LYPD6B: variants seen among roughly 807,000 people sequenced by gnomAD.
LYPD6B encodes the protein ly6/PLAUR domain-containing protein 6B.
In LYPD6B, 17 loss-of-function variants were observed where a neutral mutation model predicts 22.8. That is an observed-to-expected ratio of 0.75 (90% confidence interval 0.51 to 1.12). The LOEUF (loss-of-function observed/expected upper bound fraction) is 1.12, where lower values mean the gene tolerates loss of function less well. Ranked by LOEUF, LYPD6B falls within the 50% of genes most tolerant of loss-of-function variation. The pLI, the probability that LYPD6B is intolerant of heterozygous loss-of-function variation, is 0.00. For missense variants in LYPD6B, 221 were observed against 258.3 expected (o/e 0.86, Z 0.99); for synonymous variants, 106 against 91.6 (o/e 1.16, Z -0.90).
chr2:149,208,938 C>G (rs967108872), intron 5 of LYPD6B, among the ~76,000 whole-genome samples: 1 of 152,128 alleles, frequency 6.6e-6, no homozygotes, highest in Non-Finnish European at 1.5e-5. Context: ...CTTAGAACTA[C>G]GACCTGAGTG....
chr2:149,098,293 C>T (rs1337629538), intron 1 of LYPD6B, among the ~76,000 whole-genome samples: 1 of 152,042 alleles, frequency 6.6e-6, no homozygotes, highest in Non-Finnish European at 1.5e-5. Flanking sequence ...CTGCTTTCTC[C>T]ACGTGAGTTA....
At position 149,214,654 on chromosome 2, in the gene LYPD6B, G is replaced by T; in HGVS notation, c.568G>T (p.Ala190Ser). ...CGCTCAGAGAACATCTGGCAGCAGTGCCCCCACACTCTACCTACCAGTGCT... is the reference window on the plus strand; with the variant it reads ...CGCTCAGAGAACATCTGGCAGCAGTTCCCCCACACTCTACCTACCAGTGCT... Reference protein sequence around the residue: ...MHAQRTSGSSAPTLYLPVLAW... With the variant: ...MHAQRTSGSSSPTLYLPVLAW... Residue 190 changes from alanine to serine, a missense_variant, in exon 7 of 7, where the codon GCC (alanine) becomes TCC (serine). By Grantham distance (99) the Ala-to-Ser change is moderately conservative (BLOSUM62 1). Coordinates refer to ENST00000409642, the MANE Select transcript of LYPD6B (RefSeq NM_177964.5). 6.2e-7 allele frequency: 1 copy of T among 1,613,976 alleles called. No individual in the cohort carries two copies. Among genetic ancestry groups the T allele is most frequent in the Non-Finnish European group, 8.5e-7 (1 of 1,179,874 alleles).
intron 1 of LYPD6B, among the ~76,000 whole-genome samples, chr2:149,093,607 T>C (rs985320192): frequency 2.6e-5 from 4 of 152,204 alleles, no homozygotes; most frequent in African/African-American, 9.6e-5. Context: ...TTGTTCACTA[T>C]CTGGACAGAA....
intron 1 of LYPD6B, among the ~76,000 whole-genome samples, chr2:149,045,902 T>A (rs554493623): frequency 9.2e-5 from 14 of 152,166 alleles, no homozygotes; most frequent in Admixed American, 6.5e-5. Context: ...ATCAATTAGG[T>A]CAAGTTGCTT....
At chr2:149,164,356 T>G (rs1490130274) in intron 3 of LYPD6B, among the ~76,000 whole-genome samples, 1 of 152,126 alleles carries the variant, frequency 6.6e-6, no homozygotes, top group African/African-American at 2.4e-5. Context: ...CAGAATAAAA[T>G]GAAGGCATTC....
chr2:149,056,104 A>G (rs898023677), intron 1 of LYPD6B, among the ~76,000 whole-genome samples: 1 of 152,214 alleles, frequency 6.6e-6, no homozygotes, highest in Non-Finnish European at 1.5e-5. Context: ...AATGGCTACT[A>G]GAAAAGAAAT....
At chr2:149,171,469 T>G (rs1218359540) in intron 3 of LYPD6B, among the ~76,000 whole-genome samples, 1 of 152,062 alleles carries the variant, frequency 6.6e-6, no homozygotes, top group African/African-American at 2.4e-5. Context: ...TTTTTATAAC[T>G]CAAGGATAGG....
chr2:149,133,824 G>T lies in LYPD6B; in HGVS notation c.5+2871G>T, dbSNP rs564041501. 2.0e-5 allele frequency among the ~76,000 whole-genome samples: 3 copies of T among 152,272 alleles called. No individual in the cohort carries two copies. In the East Asian group the frequency reaches 5.8e-4, roughly 29 times the overall value. ...GTGTGAGCTAAAAGAGTGAAATAAA[G>T]AAAATCCATTTAGCAAATATTTATT... On this transcript the variant is annotated intron_variant, in intron 2 of 6. Coordinates refer to ENST00000409642, the MANE Select transcript of LYPD6B (RefSeq NM_177964.5).
intron 1 of LYPD6B, among the ~76,000 whole-genome samples, chr2:149,040,091 C>T (rs756010796): frequency 9.2e-5 from 14 of 151,876 alleles, no homozygotes; most frequent in Non-Finnish European, 1.5e-4. Flanking sequence ...TTAGTATGGA[C>T]GATAAATAGG....
chr2:149,139,515 G>C (rs1209369716), intron 2 of LYPD6B, among the ~76,000 whole-genome samples: 1 of 152,158 alleles, frequency 6.6e-6, no homozygotes, highest in African/African-American at 2.4e-5. Context: ...CACTTCAGAG[G>C]CAACCTAGGG....
At chr2:149,064,202 T>C (rs1684222462) in intron 1 of LYPD6B, among the ~76,000 whole-genome samples, 2 of 152,338 alleles carry the variant, frequency 1.3e-5, no homozygotes, top group South Asian at 4.1e-4. Context: ...ATTTTGCTTA[T>C]GTTTCCAATG....
At chr2:149,168,111 G>A (rs1690553134) in intron 3 of LYPD6B, among the ~76,000 whole-genome samples, 1 of 151,104 alleles carries the variant, frequency 6.6e-6, no homozygotes, top group Non-Finnish European at 1.5e-5. Context: ...TCAGGAGGCT[G>A]AGGCAGGAGA....
intron 1 of LYPD6B, among the ~76,000 whole-genome samples, chr2:149,125,280 A>G (rs1285215251): frequency 6.6e-6 from 1 of 152,116 alleles, no homozygotes; most frequent in Non-Finnish European, 1.5e-5. Flanking sequence ...TCACAAACAA[A>G]GCCACACCTG....
rs546157836 is a variant in LYPD6B, at chr2:149,137,779, C to T, written c.5+6826C>T. ...TCTATACATATAACTTTGCACCTTACAAATAAATATTCTATTATTTCATTA... is the reference window on the plus strand; with the variant it reads ...TCTATACATATAACTTTGCACCTTATAAATAAATATTCTATTATTTCATTA... On this transcript the variant is annotated intron_variant, in intron 2 of 6. Coordinates refer to ENST00000409642, the MANE Select transcript of LYPD6B (RefSeq NM_177964.5). Among the ~76,000 whole-genome samples, 86 of 152,144 alleles carry T rather than the reference C, an allele frequency of 5.7e-4. No homozygotes were observed. In the South Asian group the frequency reaches 0.017, roughly 31 times the overall value.
chr2:149,093,468 C>T (rs1685761671), intron 1 of LYPD6B, among the ~76,000 whole-genome samples: 1 of 152,200 alleles, frequency 6.6e-6, no homozygotes, highest in African/African-American at 2.4e-5. Context: ...GAGTAGTCTA[C>T]TGTCCATCAT....
At chr2:149,207,540 A>C (rs1693578871) in intron 4 of LYPD6B, among the ~76,000 whole-genome samples, 1 of 152,134 alleles carries the variant, frequency 6.6e-6, no homozygotes. Flanking sequence ...AAAAGGCATA[A>C]AGACAAGTTG....
intron 3 of LYPD6B, among the ~76,000 whole-genome samples, chr2:149,174,517 G>T (rs547378243): frequency 1.3e-5 from 2 of 152,096 alleles, no homozygotes; most frequent in South Asian, 4.2e-4. Flanking sequence ...ATTGGCTGTG[G>T]GTTTGTCATA....
intron 1 of LYPD6B, among the ~76,000 whole-genome samples, chr2:149,045,206 A>G (rs930180167): frequency 6.6e-6 from 1 of 152,110 alleles, no homozygotes; most frequent in African/African-American, 2.4e-5. Context: ...ATTCATTGAT[A>G]CAGAATTTTT....
At chr2:149,137,849 A>G (rs1368250198) in intron 2 of LYPD6B, among the ~76,000 whole-genome samples, 2 of 152,194 alleles carry the variant, frequency 1.3e-5, no homozygotes, top group African/African-American at 4.8e-5. Flanking sequence ...AGGAATACAT[A>G]TTTTAAATTT....
Sources: gnomAD v4.1 joint callset for allele counts (sites outside exome capture counted in the v4.1 genomes callset) on GRCh38, gnomAD v4.1.1 for gene constraint, MANE v1.5 for transcripts, NCBI Gene and HGNC (gene_info 2026-07-23, HGNC 2026-07-21) for gene names.